Variants in SEMA4F observed in about 807,000 individuals in gnomAD.
SEMA4F encodes semaphorin-4F.
SEMA4F carries 51 observed loss-of-function variants against 78.4 expected under a neutral mutation model. The observed-to-expected ratio is 0.65, with a 90% CI of 0.52 to 0.82. The LOEUF is 0.82. Ranked by LOEUF, SEMA4F falls within the 40% of genes least tolerant of loss-of-function variation. SEMA4F has a pLI of 0.00. For missense variants in SEMA4F, 938 were observed against 1,014.4 expected (o/e 0.92, Z 1.02); for synonymous variants, 418 against 408.7 (o/e 1.02, Z -0.27).
At position 74,683,822 on chromosome 2, in the gene SEMA4F, T is replaced by G. The variant is rs1364256175; in HGVS notation, c.*3613T>G. 8 of 152,180 alleles carry G rather than the reference T, an allele frequency of 5.3e-5. No homozygotes were observed. The allele number at this position is 152,180 out of a possible 1,614,324, so 9.4% of individuals were successfully genotyped here. On this transcript the variant is annotated 3_prime_UTR_variant, in exon 14 of 14. Coordinates refer to ENST00000357877, the MANE Select transcript of SEMA4F (RefSeq NM_004263.5). ...ATGCTTAGAATCGGGTTAACTTGAT[T>G]AAATAAATAAATAGAAATAGTTTTT...
At chr2:74,709,395 G>A in the SEMA4F span, among the ~76,000 whole-genome samples, 9 of 152,200 alleles carry the variant, frequency 5.9e-5, no homozygotes. Context: ...GAATAAAAGG[G>A]AGATTGCCTA....
the SEMA4F span, among the ~76,000 whole-genome samples, chr2:74,708,828 A>C: frequency 1.3e-5 from 2 of 152,210 alleles, no homozygotes; most frequent in Non-Finnish European, 2.9e-5. Flanking sequence ...CTTAAAACAA[A>C]TTTAAAAATA....
rs546913199 is a variant in SEMA4F, at chr2:74,668,280, A to G, written c.551-5177A>G. On this transcript the variant is annotated intron_variant, in intron 5 of 13. Coordinates refer to ENST00000357877, the MANE Select transcript of SEMA4F (RefSeq NM_004263.5). ...ACGCATCTGCCAAGGAGCTCTGCAA[A>G]TGTTCCAGATGCACTGCATGCTGCC... Among the ~76,000 whole-genome samples the G allele has an allele frequency of 8.5e-5, 13 of 152,292 alleles. No homozygotes were observed. In the East Asian group the frequency reaches 2.3e-3, roughly 27 times the overall value.
intron 10 of SEMA4F, 47 bp downstream of exon 10, chr2:74,675,431 C>T (rs377755044): frequency 4.3e-5 from 69 of 1,596,450 alleles, no homozygotes; most frequent in South Asian, 3.6e-4. Flanking sequence ...CATACACATT[C>T]TCGTCACAGA....
At chr2:74,679,446 G>T in intron 13 of SEMA4F, 112 bp downstream of exon 13, 2 of 1,467,144 alleles carry the variant, frequency 1.4e-6, no homozygotes, top group Non-Finnish European at 1.9e-6. Flanking sequence ...AGATGTGGCA[G>T]CCAGGAACCT....
At chr2:74,707,363 TTATC>T in the SEMA4F span, among the ~76,000 whole-genome samples, 3 of 152,214 alleles carry the variant, frequency 2.0e-5, no homozygotes, top group Admixed American at 6.5e-5. Flanking sequence ...GATTATCTAT[TTATC>T]TATCTATCCA....
chr2:74,704,592 T>G, the SEMA4F span, among the ~76,000 whole-genome samples: 1 of 151,964 alleles, frequency 6.6e-6, no homozygotes, highest in Non-Finnish European at 1.5e-5. Context: ...ACTTTTATTA[T>G]CTAACCAATT....
chr2:74,706,089 T>C, the SEMA4F span, among the ~76,000 whole-genome samples: 1 of 152,198 alleles, frequency 6.6e-6, no homozygotes, highest in East Asian at 1.9e-4. Flanking sequence ...AAAAAATGAA[T>C]AAGAGAAGGA....
At position 74,674,534 on chromosome 2, in the gene SEMA4F, T is replaced by C; in HGVS notation, c.859T>C (p.Trp287Arg). The change falls in exon 8 of 14, where the codon TGG becomes CGG. Residue 287 changes from tryptophan (W) to arginine (R), a missense_variant. Coordinates refer to ENST00000357877, the MANE Select transcript of SEMA4F (RefSeq NM_004263.5). ...LGGRKTLQQR[W>R]TTFLKADLLC... ...GGGCCGGAAGACCCTCCAGCAGAGA[T>C]GGACGACGTTTTTGAAAGCTGACCT... 3 of 1,614,088 alleles carry C rather than the reference T, an allele frequency of 1.9e-6. No homozygotes were observed. Among genetic ancestry groups the C allele is most frequent in the Non-Finnish European group, 2.5e-6 (3 of 1,180,006 alleles).
chr2:74,700,431 C>G, the SEMA4F span, among the ~76,000 whole-genome samples: 8 of 152,214 alleles, frequency 5.3e-5, no homozygotes, highest in East Asian at 3.9e-4. Context: ...TCCTGCTGCC[C>G]CCTACCCCAT....
downstream of SEMA4F, among the ~76,000 whole-genome samples, chr2:74,687,376 C>G (rs1215854574): frequency 1.3e-5 from 2 of 152,238 alleles, no homozygotes; most frequent in African/African-American, 4.8e-5. Context: ...TATTTTAATT[C>G]TCAGCATAGC....
the SEMA4F span, among the ~76,000 whole-genome samples, chr2:74,689,644 G>A: frequency 1.3e-5 from 2 of 152,124 alleles, no homozygotes; most frequent in Non-Finnish European, 2.9e-5. Flanking sequence ...ATAAGCTTCA[G>A]TATTGACCTG....
At chr2:74,664,961 T>C (rs1033821664) in intron 5 of SEMA4F, among the ~76,000 whole-genome samples, 2 of 152,196 alleles carry the variant, frequency 1.3e-5, no homozygotes, top group African/African-American at 4.8e-5. Context: ...ATTATTTTGA[T>C]GAATCGCATG....
At chr2:74,701,838 G>A in the SEMA4F span, among the ~76,000 whole-genome samples, 43,235 of 152,124 alleles carry the variant, frequency 0.28, 9,103 homozygotes, top group East Asian at 0.82. Flanking sequence ...GCTTTAACCT[G>A]TCTAAAAAGA....
the SEMA4F span, among the ~76,000 whole-genome samples, chr2:74,690,703 T>G: frequency 6.6e-6 from 1 of 152,232 alleles, no homozygotes; most frequent in Admixed American, 6.5e-5. Context: ...CCGACTAACA[T>G]TGAACACAAG....
At chr2:74,657,219 A>C (rs1054742566) in intron 2 of SEMA4F, among the ~76,000 whole-genome samples, 1 of 152,186 alleles carries the variant, frequency 6.6e-6, no homozygotes, top group Non-Finnish European at 1.5e-5. Context: ...TGAAATGTAA[A>C]ACACTTTTGA....
chr2:74,703,311 T>A, the SEMA4F span, among the ~76,000 whole-genome samples: 50 of 152,208 alleles, frequency 3.3e-4, no homozygotes, highest in African/African-American at 1.1e-3. Context: ...AGGATTCACA[T>A]GCCAATTTTG....
chr2:74,697,806 C>G, the SEMA4F span, among the ~76,000 whole-genome samples: 1 of 152,136 alleles, frequency 6.6e-6, no homozygotes, highest in African/African-American at 2.4e-5. Context: ...ATCTTCGTAC[C>G]TGGAACCTCT....
At chr2:74,705,230 G>A in the SEMA4F span, among the ~76,000 whole-genome samples, 2 of 152,196 alleles carry the variant, frequency 1.3e-5, no homozygotes, top group African/African-American at 2.4e-5. Flanking sequence ...TTTCTGGAGA[G>A]CAATTAGGCA....
Sources: gnomAD v4.1 joint callset for allele counts (sites outside exome capture counted in the v4.1 genomes callset) on GRCh38, gnomAD v4.1.1 for gene constraint, MANE v1.5 for transcripts, NCBI Gene and HGNC (gene_info 2026-07-23, HGNC 2026-07-21) for gene names.